The following SMARCC1 variants were observed in gnomAD, a reference collection of about 807,000 sequenced individuals.
The protein encoded by SMARCC1 is SWI/SNF related BAF chromatin remodeling complex subunit C1.
A neutral mutation model predicts 147.4 loss-of-function variants in SMARCC1; 43 were observed. That is an observed-to-expected ratio of 0.29 (90% CI 0.23 to 0.38). The LOEUF (loss-of-function observed/expected upper bound fraction) is 0.38. SMARCC1 is among the 10% of genes least tolerant of loss of function. The pLI is 1.00. For missense variants in SMARCC1, 1,119 were observed against 1,381.1 expected, an observed-to-expected ratio of 0.81 and a Z score of 3.01; for synonymous variants, 495 against 484.4, an observed-to-expected ratio of 1.02 and a Z score of -0.29.
At chr3:47,613,370 T>A (rs1017156050) in intron 25 of SMARCC1, among the ~76,000 whole-genome samples, 7 of 151,902 alleles carry the variant, frequency 4.6e-5, no homozygotes. Context: ...AAACTGGAAG[T>A]AGGAGAACTT....
At chr3:47,706,179 C>T (rs1417319357) in intron 10 of SMARCC1, among the ~76,000 whole-genome samples, 1 of 151,916 alleles carries the variant, frequency 6.6e-6, no homozygotes, top group East Asian at 1.9e-4. Context: ...CCAAGTGATT[C>T]TCCAGCCTCA....
chr3:47,729,130 G>A, intron 5 of SMARCC1, 36 bp from the exon 6 acceptor site: 3 of 1,404,012 alleles, frequency 2.1e-6, no homozygotes, highest in East Asian at 2.3e-5. Context: ...CAAAAATAAA[G>A]CACATGGCAA....
At chr3:47,760,016 A>G (rs1453191938) in intron 2 of SMARCC1, among the ~76,000 whole-genome samples, 1 of 152,094 alleles carries the variant, frequency 6.6e-6, no homozygotes, top group Non-Finnish European at 1.5e-5. Flanking sequence ...ATAAGCAATA[A>G]CACAGAAAAA....
At position 47,781,819 on chromosome 3, in the gene SMARCC1, C is replaced by A; in HGVS notation, c.-22G>T. On this transcript the variant is annotated 5_prime_UTR_variant, in exon 1 of 28. Coordinates refer to ENST00000254480, the MANE Select transcript of SMARCC1 (RefSeq NM_003074.4). ...CCATCGTCGCAGCCCGTCGTCCCCA[C>A]AGCCTGGCCCACCCCGGCCCTCGCG... is the stretch of plus-strand genomic sequence containing the variant. The A allele has an allele frequency of 7.4e-7, 1 of 1,355,098 alleles. No homozygotes were observed. The highest frequency in any genetic ancestry group is 1.8e-5 in the South Asian group (1 of 54,294). 83.9% of individuals were successfully genotyped at this position (1,355,098 alleles called of 1,614,324 possible). A position where few individuals can be genotyped will look rare whatever the true frequency, so the allele number is the denominator to read the frequency against.
At chr3:47,767,531 G>A (rs1284213666) in intron 2 of SMARCC1, among the ~76,000 whole-genome samples, 2 of 129,226 alleles carry the variant, frequency 1.5e-5, no homozygotes, top group South Asian at 2.8e-4. Context: ...GTGAGCCACC[G>A]CACCCAGCCT....
chr3:47,725,032 CAAAAAAAA>C (rs35548192), intron 6 of SMARCC1, among the ~76,000 whole-genome samples: 14 of 31,640 alleles, frequency 4.4e-4, no homozygotes, highest in East Asian at 1.2e-3. Flanking sequence ...ACTGTCTCCA[CAAAAAAAA>C]AAAAAAAAAA....
chr3:47,732,838 G>A (rs1442966492), intron 5 of SMARCC1, among the ~76,000 whole-genome samples: 7 of 152,058 alleles, frequency 4.6e-5, no homozygotes, highest in Non-Finnish European at 8.8e-5. Context: ...AGCCAGGCGC[G>A]GTGGCTCACA....
chr3:47,727,927 AG>A (rs1173306867), intron 6 of SMARCC1, among the ~76,000 whole-genome samples: 3 of 151,886 alleles, frequency 2.0e-5, no homozygotes, highest in Admixed American at 2.0e-4. Flanking sequence ...TATGTTGCCC[AG>A]GTTGGAGTGC....
chr3:47,599,750 G>A (rs758528009), intron 26 of SMARCC1, among the ~76,000 whole-genome samples: 2 of 152,166 alleles, frequency 1.3e-5, no homozygotes, highest in Non-Finnish European at 2.9e-5. Flanking sequence ...TTTGCCCCAT[G>A]CTCAGCTCCA....
At chr3:47,617,138 C>A (rs900744247) in intron 25 of SMARCC1, among the ~76,000 whole-genome samples, 5 of 152,120 alleles carry the variant, frequency 3.3e-5, no homozygotes, top group Non-Finnish European at 7.4e-5. Flanking sequence ...TTATAAATTA[C>A]GAAGTACTAG....
chr3:47,738,872 T>C (rs1170114399), intron 3 of SMARCC1, among the ~76,000 whole-genome samples: 1 of 152,222 alleles, frequency 6.6e-6, no homozygotes, highest in African/African-American at 2.4e-5. Flanking sequence ...TAATCTGAAA[T>C]CACTTGATAG....
intron 15 of SMARCC1, among the ~76,000 whole-genome samples, chr3:47,679,395 T>C (rs1012463385): frequency 6.6e-6 from 1 of 152,208 alleles, no homozygotes; most frequent in Non-Finnish European, 1.5e-5. Context: ...AGAGTTTTTC[T>C]ATTTCCAATG....
intron 26 of SMARCC1, among the ~76,000 whole-genome samples, chr3:47,599,987 A>T (rs986415941): frequency 1.3e-5 from 2 of 152,110 alleles, no homozygotes; most frequent in African/African-American, 4.8e-5. Context: ...CCATTTACCT[A>T]TTACCCTACA....
At chr3:47,620,680 C>T (rs1257644403) in intron 25 of SMARCC1, among the ~76,000 whole-genome samples, 1 of 152,002 alleles carries the variant, frequency 6.6e-6, no homozygotes, top group Non-Finnish European at 1.5e-5. Context: ...CCAGGGAATG[C>T]TACGTACAAG....
chr3:47,776,575 C>A (rs1334820702), intron 1 of SMARCC1, among the ~76,000 whole-genome samples: 5 of 152,150 alleles, frequency 3.3e-5, no homozygotes, highest in Non-Finnish European at 2.9e-5. Flanking sequence ...CGCACTCCAG[C>A]CTGGGTGACC....
intron 2 of SMARCC1, among the ~76,000 whole-genome samples, chr3:47,760,449 G>A (rs2034760585): frequency 6.6e-6 from 1 of 152,232 alleles, no homozygotes; most frequent in African/African-American, 2.4e-5. Flanking sequence ...GTTACCTGAG[G>A]TCAGGAGTTG....
chr3:47,738,464 T>A (rs776019381), intron 3 of SMARCC1, among the ~76,000 whole-genome samples: 19 of 152,068 alleles, frequency 1.2e-4, no homozygotes, highest in Non-Finnish European at 2.2e-4. Flanking sequence ...GGCGGGTGGA[T>A]CAAGAGATCA....
intron 8 of SMARCC1, among the ~76,000 whole-genome samples, chr3:47,711,311 C>G (rs1335055702): frequency 6.6e-6 from 1 of 152,104 alleles, no homozygotes; most frequent in African/African-American, 2.4e-5. Flanking sequence ...TATATGGCCA[C>G]CTCCCTTGTT....
At chr3:47,679,789 GA>G (rs1423350320) in intron 15 of SMARCC1, among the ~76,000 whole-genome samples, 2 of 149,688 alleles carry the variant, frequency 1.3e-5, no homozygotes, top group East Asian at 4.0e-4. Flanking sequence ...TTGAACCCAG[GA>G]GGCAGAGGCT....
Sources: gnomAD v4.1 joint callset for allele counts (sites outside exome capture counted in the v4.1 genomes callset) on GRCh38, gnomAD v4.1.1 for gene constraint, MANE v1.5 for transcripts, NCBI Gene and HGNC (gene_info 2026-07-23, HGNC 2026-07-21) for gene names.